RNF220: variants seen among roughly 807,000 people sequenced by gnomAD.
RNF220 encodes the protein E3 ubiquitin-protein ligase RNF220.
Under a neutral mutation model 67.1 loss-of-function variants are expected in RNF220, and 7 were observed. The observed-to-expected ratio is 0.10, with a 90% CI of 0.06 to 0.20. The LOEUF is 0.20. RNF220 is among the 10% of genes least tolerant of loss of function. The pLI is 1.00. For synonymous variants in RNF220, 270 were observed against 283.2 expected, an observed-to-expected ratio of 0.95 and a Z score of 0.47; for missense variants, 565 against 740.3, an observed-to-expected ratio of 0.76 and a Z score of 2.75.
chr1:44,535,290 G>A (rs1238603345), intron 2 of RNF220, among the ~76,000 whole-genome samples: 1 of 152,068 alleles, frequency 6.6e-6, no homozygotes, highest in African/African-American at 2.4e-5. Flanking sequence ...ATAGGCACAT[G>A]TCACCATGCC....
At chr1:44,605,291 C>A (rs552434809) in intron 2 of RNF220, among the ~76,000 whole-genome samples, 1 of 112,904 alleles carries the variant, frequency 8.9e-6, no homozygotes, top group African/African-American at 3.5e-5. Context: ...AGTGAGACTC[C>A]GTCTCAAAAA....
At chr1:44,646,568 G>A (rs1472481180) in intron 12 of RNF220, among the ~76,000 whole-genome samples, 3 of 152,232 alleles carry the variant, frequency 2.0e-5, no homozygotes, top group South Asian at 2.1e-4. Flanking sequence ...CAGGGCGGGC[G>A]GGGTTGTAAG....
chr1:44,405,993 C>T (rs913086176), intron 1 of RNF220, among the ~76,000 whole-genome samples: 5 of 152,186 alleles, frequency 3.3e-5, no homozygotes, highest in African/African-American at 4.8e-5. Flanking sequence ...CGGTGATTTC[C>T]GGGCTCCCCT....
intron 2 of RNF220, among the ~76,000 whole-genome samples, chr1:44,528,213 ACAAC>A (rs1430847471): frequency 6.6e-6 from 1 of 152,344 alleles, no homozygotes; most frequent in Non-Finnish European, 1.5e-5. Flanking sequence ...TAAGTAATGA[ACAAC>A]CAGTTAATAA....
intron 2 of RNF220, among the ~76,000 whole-genome samples, chr1:44,420,104 G>A (rs1371266892): frequency 6.6e-6 from 1 of 152,246 alleles, no homozygotes; most frequent in Non-Finnish European, 1.5e-5. Flanking sequence ...ATTCAGATAT[G>A]TGGCTGTCAG....
chr1:44,427,678 C>T (rs776927526), intron 2 of RNF220, among the ~76,000 whole-genome samples: 8 of 152,290 alleles, frequency 5.3e-5, no homozygotes, highest in Non-Finnish European at 1.0e-4. Context: ...ATCTGTGAGA[C>T]GAGACAGATG....
Position 44,565,554 on chromosome 1 carries a change from C to T in RNF220, c.626-48611C>T, listed in dbSNP as rs1022099808. On this transcript the variant is annotated intron_variant, in intron 2 of 14. Coordinates refer to ENST00000361799, the MANE Select transcript of RNF220 (RefSeq NM_018150.4). The surrounding 1 kb of genome is among the most constrained non-coding windows in gnomAD (Gnocchi z 4.2). ...TAATGCCCCCAGCCTAACACAATTACCCCTTCCTTCTCCCTCAGCCCAGGC... is the reference window on the plus strand; with the variant it reads ...TAATGCCCCCAGCCTAACACAATTATCCCTTCCTTCTCCCTCAGCCCAGGC... 5.3e-5 allele frequency among the ~76,000 whole-genome samples: 8 copies of T among 152,172 alleles called. No homozygotes were observed. The highest frequency in any genetic ancestry group is 1.4e-4 in the African/African-American group (6 of 41,444).
At chr1:44,407,863 C>T (rs1032117079) in intron 1 of RNF220, among the ~76,000 whole-genome samples, 51 of 152,212 alleles carry the variant, frequency 3.4e-4, no homozygotes, top group African/African-American at 1.2e-3. Flanking sequence ...CGGGGCTGCT[C>T]GGGGGCTGGA....
At chr1:44,625,827 C>A (rs1643922261) in intron 4 of RNF220, among the ~76,000 whole-genome samples, 1 of 151,898 alleles carries the variant, frequency 6.6e-6, no homozygotes, top group Non-Finnish European at 1.5e-5. Flanking sequence ...GATAAATGGA[C>A]CCACATACAT....
intron 2 of RNF220, among the ~76,000 whole-genome samples, chr1:44,597,517 T>G (rs1404876234): frequency 1.1e-5 from 1 of 88,370 alleles, no homozygotes; most frequent in African/African-American, 4.3e-5. Context: ...CACACGAACC[T>G]CCCTCACCTC....
chr1:44,580,878 A>C (rs1378792210), intron 2 of RNF220, among the ~76,000 whole-genome samples: 6 of 152,232 alleles, frequency 3.9e-5, no homozygotes, highest in African/African-American at 1.4e-4. Flanking sequence ...GGACAGTGGC[A>C]TGCCTAGGGC....
chr1:44,517,535 T>C (rs1659553576), intron 2 of RNF220, among the ~76,000 whole-genome samples: 1 of 152,228 alleles, frequency 6.6e-6, no homozygotes, highest in Non-Finnish European at 1.5e-5. Context: ...TCTATTGTCT[T>C]CAAGTGTGTT....
intron 2 of RNF220, among the ~76,000 whole-genome samples, chr1:44,457,563 AT>A (rs35009326): frequency 0.2 from 29,922 of 148,874 alleles, 3,045 homozygotes; most frequent in East Asian, 0.28. Flanking sequence ...ATAACCTTGG[AT>A]TTTTTTTTTT....
chr1:44,571,370 T>C (rs1664431927), intron 2 of RNF220, among the ~76,000 whole-genome samples: 1 of 152,184 alleles, frequency 6.6e-6, no homozygotes, highest in Non-Finnish European at 1.5e-5. Flanking sequence ...TGCTCAAATG[T>C]CACTTCTTCA....
intron 2 of RNF220, among the ~76,000 whole-genome samples, chr1:44,442,945 T>G (rs1651715489): frequency 6.6e-6 from 1 of 152,226 alleles, no homozygotes; most frequent in South Asian, 2.1e-4. Flanking sequence ...CTGTTTGCTT[T>G]TCCACTCTTG....
chr1:44,518,869 CG>C (rs1455655272), intron 2 of RNF220, among the ~76,000 whole-genome samples: 5 of 149,194 alleles, frequency 3.4e-5, no homozygotes, highest in African/African-American at 5.0e-5. Context: ...AGCAAGACTC[CG>C]TCTAAAAAAC....
At chr1:44,612,077 T>C (rs560993224) in intron 2 of RNF220, among the ~76,000 whole-genome samples, 1 of 152,328 alleles carries the variant, frequency 6.6e-6, no homozygotes, top group East Asian at 1.9e-4. Flanking sequence ...TCCCTCCAGC[T>C]GTCCCCGAGC....
intron 2 of RNF220, among the ~76,000 whole-genome samples, chr1:44,595,389 C>A (rs1572987384): frequency 6.6e-6 from 1 of 152,232 alleles, no homozygotes; most frequent in African/African-American, 2.4e-5. Context: ...CCCAGCCAGT[C>A]CTGCACCCTG....
chr1:44,569,218 G>C lies in RNF220; in HGVS notation c.626-44947G>C, dbSNP rs755900178. Among the ~76,000 whole-genome samples, 13 of 151,964 alleles carry C rather than the reference G, an allele frequency of 8.6e-5. 1 individual carries two copies. Among genetic ancestry groups the C allele is most frequent in the African/African-American group, 3.1e-4 (13 of 41,354 alleles). On this transcript the variant is annotated intron_variant, in intron 2 of 14. Transcript: ENST00000361799. ...TGTTTTTAGACTAGCCTCTCTCCCC[G>C]CCCCACTATCCCCAAAAATTATTAT...
Sources: gnomAD v4.1 joint callset for allele counts (sites outside exome capture counted in the v4.1 genomes callset) on GRCh38, gnomAD v4.1.1 for gene constraint, Gnocchi (gnomAD v3.1) non-coding constraint, MANE v1.5 for transcripts, NCBI Gene and HGNC (gene_info 2026-07-23, HGNC 2026-07-21) for gene names.